Variants in GRID2 observed in about 807,000 individuals in gnomAD.
The protein encoded by GRID2 is glutamate ionotropic receptor delta type subunit 2.
In GRID2, 33 loss-of-function variants were observed where a neutral mutation model predicts 114.8. That is an observed-to-expected ratio of 0.29 (90% CI 0.22 to 0.38). The LOEUF is 0.38. GRID2 is among the 10% of genes least tolerant of loss of function. GRID2 has a pLI of 1.00. For synonymous variants in GRID2, 505 were observed against 449.9 expected (o/e 1.12, Z -1.55); for missense variants, 1,184 against 1,257.7 (o/e 0.94, Z 0.89).
chr4:92,565,215 A>T (rs181836704), intron 1 of GRID2, among the ~76,000 whole-genome samples: 113 of 152,166 alleles, frequency 7.4e-4, no homozygotes, highest in African/African-American at 2.6e-3. Flanking sequence ...AAAAATTATT[A>T]GTTTTATAGT....
chr4:93,273,189 A>G (rs1021719860), intron 8 of GRID2, among the ~76,000 whole-genome samples: 1 of 152,170 alleles, frequency 6.6e-6, no homozygotes, highest in Non-Finnish European at 1.5e-5. Context: ...TCTCTATTTT[A>G]TTTCTATTTA....
intron 1 of GRID2, among the ~76,000 whole-genome samples, chr4:92,413,504 G>T (rs1368341788): frequency 6.6e-6 from 1 of 152,100 alleles, no homozygotes; most frequent in East Asian, 1.9e-4. Context: ...TGGGCCACTG[G>T]AGAAAGATTA....
Position 93,302,637 on chromosome 4 carries a change from C to T in GRID2, c.1245+64147C>T, listed in dbSNP as rs368080552. 2.7e-4 allele frequency: 123 copies of T among 454,932 alleles called. No individual in the cohort carries two copies. The East Asian group carries it at 4.5e-3, about 17-fold the overall frequency. 28.2% of individuals were successfully genotyped at this position (454,932 alleles called of 1,614,324 possible). A position where few individuals can be genotyped will look rare whatever the true frequency, so the allele number is the denominator to read the frequency against. ...TTCATATACATTCATCTTCTGTACACTTGCAAAGGTAAGTATAAAAACCTA... is the reference window on the plus strand; with the variant it reads ...TTCATATACATTCATCTTCTGTACATTTGCAAAGGTAAGTATAAAAACCTA... On this transcript the variant is annotated intron_variant, in intron 8 of 15. Transcript: ENST00000282020.
chr4:92,476,150 T>A (rs1030356309), intron 1 of GRID2, among the ~76,000 whole-genome samples: 1 of 151,140 alleles, frequency 6.6e-6, no homozygotes, highest in Non-Finnish European at 1.5e-5. Flanking sequence ...CTCAGCCTCC[T>A]GAGTAGCTGG....
intron 10 of GRID2, among the ~76,000 whole-genome samples, chr4:93,441,394 C>A (rs1721607127): frequency 6.6e-6 from 1 of 151,878 alleles, no homozygotes; most frequent in Non-Finnish European, 1.5e-5. Flanking sequence ...AAATTATAAA[C>A]ATAGAGAAAT....
chr4:92,544,157 A>T (rs1726121725), intron 1 of GRID2, among the ~76,000 whole-genome samples: 1 of 152,114 alleles, frequency 6.6e-6, no homozygotes, highest in Non-Finnish European at 1.5e-5. Context: ...CTCTCAACAA[A>T]ATGTTGCCCT....
chr4:93,657,047 G>A (rs897775872), intron 14 of GRID2, among the ~76,000 whole-genome samples: 1 of 151,852 alleles, frequency 6.6e-6, no homozygotes, highest in Non-Finnish European at 1.5e-5. Flanking sequence ...CAGTTGGTAT[G>A]TTCTGGGCCT....
intron 2 of GRID2, among the ~76,000 whole-genome samples, chr4:92,887,033 T>C (rs1239241786): frequency 6.6e-6 from 1 of 152,240 alleles, no homozygotes; most frequent in Non-Finnish European, 1.5e-5. Context: ...TTCCTTGCTG[T>C]GTTTAACATA....
intron 8 of GRID2, among the ~76,000 whole-genome samples, chr4:93,304,257 AATATATATAT>A (rs10557964): frequency 7.0e-6 from 1 of 142,984 alleles, no homozygotes; most frequent in East Asian, 2.0e-4. Flanking sequence ...TAATATTTTA[AATATATATAT>A]ATATATATAT....
chr4:92,397,375 T>TGTGTGTGC (rs1278237895), intron 1 of GRID2, among the ~76,000 whole-genome samples: 1 of 150,678 alleles, frequency 6.6e-6, no homozygotes, highest in African/African-American at 2.4e-5. Context: ...TGTGTGTGTG[T>TGTGTGTGC]GTGTGTGTGT....
At chr4:92,907,132 C>G (rs1343622367) in intron 2 of GRID2, among the ~76,000 whole-genome samples, 3 of 152,098 alleles carry the variant, frequency 2.0e-5, no homozygotes, top group African/African-American at 7.2e-5. Context: ...GATCATCAAC[C>G]AGTATATGCC....
chr4:93,115,402 GACACAC>G (rs374431110), intron 4 of GRID2, among the ~76,000 whole-genome samples: 1 of 144,474 alleles, frequency 6.9e-6, no homozygotes, highest in Non-Finnish European at 1.5e-5. Context: ...AGTATATACA[GACACAC>G]ACACACACAC....
chr4:92,772,825 T>C (rs1450586268), intron 2 of GRID2, among the ~76,000 whole-genome samples: 1 of 152,212 alleles, frequency 6.6e-6, no homozygotes, highest in East Asian at 1.9e-4. Flanking sequence ...ACCTGTTGTA[T>C]GGTGAATAGC....
intron 8 of GRID2, among the ~76,000 whole-genome samples, chr4:93,281,796 T>C (rs909900531): frequency 7.2e-5 from 11 of 152,018 alleles, no homozygotes; most frequent in African/African-American, 2.7e-4. Context: ...CTAGGAATCA[T>C]GTAAATCTTT....
intron 2 of GRID2, among the ~76,000 whole-genome samples, chr4:92,733,743 A>G (rs572755752): frequency 6.6e-6 from 1 of 152,228 alleles, no homozygotes; most frequent in African/African-American, 2.4e-5. Flanking sequence ...GAGTTAAATC[A>G]AGTGTAAGAT....
At chr4:93,346,753 C>T (rs1263401176) in intron 8 of GRID2, among the ~76,000 whole-genome samples, 2 of 152,168 alleles carry the variant, frequency 1.3e-5, no homozygotes, top group East Asian at 3.8e-4. Context: ...AAGCGAATCT[C>T]ATCTCAACAG....
intron 2 of GRID2, among the ~76,000 whole-genome samples, chr4:92,621,025 G>A (rs952934407): frequency 1.3e-5 from 2 of 149,830 alleles, no homozygotes; most frequent in African/African-American, 4.9e-5. Context: ...TTTTAACCCA[G>A]GCATTCTCAG....
chr4:92,472,521 T>A (rs1009290636), intron 1 of GRID2, among the ~76,000 whole-genome samples: 2 of 152,164 alleles, frequency 1.3e-5, no homozygotes, highest in African/African-American at 4.8e-5. Flanking sequence ...TTTAAATGAG[T>A]TGTAACATTT....
chr4:92,671,293 T>C (rs1303688128), intron 2 of GRID2, among the ~76,000 whole-genome samples: 1 of 152,012 alleles, frequency 6.6e-6, no homozygotes, highest in Non-Finnish European at 1.5e-5. Context: ...GGAAATCCCA[T>C]GATCCAAACA....
Sources: allele counts gnomAD v4.1 joint callset (sites outside exome capture counted in the v4.1 genomes callset), GRCh38; gene constraint gnomAD v4.1.1; transcripts MANE v1.5; gene names NCBI Gene and HGNC (gene_info 2026-07-23, HGNC 2026-07-21).